KCNIP4: variants seen among roughly 807,000 people sequenced by gnomAD.
KCNIP4 encodes potassium voltage-gated channel interacting protein 4.
KCNIP4 carries 12 observed loss-of-function variants against 34.0 expected under a neutral mutation model. The ratio of observed to expected loss-of-function variants is 0.35; its 90% CI spans 0.23 to 0.57. The LOEUF (loss-of-function observed/expected upper bound fraction) is 0.57, where lower values mean the gene tolerates loss of function less well. Among genes scored for constraint, KCNIP4 ranks in the 20% least tolerant of loss-of-function variants. The pLI is 0.83. For synonymous variants in KCNIP4, 124 were observed against 102.2 expected, an observed-to-expected ratio of 1.21 and a Z score of -1.29; for missense variants, 238 against 311.7, an observed-to-expected ratio of 0.76 and a Z score of 1.78.
intron 6 of KCNIP4, among the ~76,000 whole-genome samples, chr4:20,733,750 A>G (rs892616998): frequency 2.6e-5 from 4 of 152,212 alleles, no homozygotes; most frequent in Non-Finnish European, 5.9e-5. Context: ...CTCCATATAC[A>G]TGAACACAAT....
intron 1 of KCNIP4, among the ~76,000 whole-genome samples, chr4:21,115,526 A>C (rs1749604734): frequency 6.6e-6 from 1 of 152,200 alleles, no homozygotes; most frequent in Non-Finnish European, 1.5e-5. Context: ...AAACAGTACA[A>C]AAGGGATTAA....
At chr4:21,798,560 GAA>G (rs377096015) in intron 1 of KCNIP4, among the ~76,000 whole-genome samples, 3 of 95,802 alleles carry the variant, frequency 3.1e-5, no homozygotes, top group Non-Finnish European at 7.7e-5. Flanking sequence ...AAGAGAGAAA[GAA>G]AAAGAAAGAA....
chr4:21,062,530 A>ATGTGTG (rs3080754), intron 1 of KCNIP4, among the ~76,000 whole-genome samples: 10,972 of 149,214 alleles, frequency 0.074, 442 homozygotes, highest in East Asian at 0.19. Context: ...GTGTGTGTGC[A>ATGTGTG]TGTGTGTGTG....
chr4:21,236,646 A>G (rs1305714497), intron 1 of KCNIP4, among the ~76,000 whole-genome samples: 1 of 152,128 alleles, frequency 6.6e-6, no homozygotes, highest in Non-Finnish European at 1.5e-5. Context: ...TCAGAAATTG[A>G]CACAATTTTA....
intron 1 of KCNIP4, among the ~76,000 whole-genome samples, chr4:21,737,402 A>C (rs1716067518): frequency 6.6e-6 from 1 of 152,124 alleles, no homozygotes; most frequent in Admixed American, 6.6e-5. Flanking sequence ...TGAAGTGGAC[A>C]TTCAATGAAA....
rs772850644 is a variant in KCNIP4, at chr4:21,814,089, C to T, written c.61+134482G>A. Among the ~76,000 whole-genome samples, 81 of 152,030 alleles carry T rather than the reference C, an allele frequency of 5.3e-4. 2 individuals are homozygous for T. Among genetic ancestry groups the T allele is most frequent in the Non-Finnish European group, 3.1e-4 (21 of 68,024 alleles). On this transcript the variant is annotated intron_variant, in intron 1 of 8. Coordinates refer to ENST00000382152, the MANE Select transcript of KCNIP4 (RefSeq NM_025221.6). ...ATTATTTTACAGGTGAGGGAACCAA[C>T]GCTCCAGGAAGATAAGTCAGGTTTT...
intron 3 of KCNIP4, among the ~76,000 whole-genome samples, chr4:20,769,118 TGAA>T (rs1755658449): frequency 6.7e-6 from 1 of 149,144 alleles, no homozygotes; most frequent in African/African-American, 2.5e-5. Flanking sequence ...CTACTACTAA[TGAA>T]GAAATAATTG....
At chr4:21,147,601 A>G (rs562350989) in intron 1 of KCNIP4, among the ~76,000 whole-genome samples, 7 of 152,258 alleles carry the variant, frequency 4.6e-5, no homozygotes, top group Admixed American at 1.3e-4. Context: ...AAATAGATTT[A>G]TGACAGGAAT....
chr4:21,378,068 C>T (rs1489873378), intron 1 of KCNIP4, among the ~76,000 whole-genome samples: 1 of 152,004 alleles, frequency 6.6e-6, no homozygotes, highest in East Asian at 1.9e-4. Flanking sequence ...CAGGTATTTC[C>T]CACACTTTAA....
At chr4:20,835,580 G>T (rs1258526009) in intron 3 of KCNIP4, among the ~76,000 whole-genome samples, 2 of 152,036 alleles carry the variant, frequency 1.3e-5, no homozygotes, top group Admixed American at 6.6e-5. Flanking sequence ...TCTTACAATT[G>T]TTAGTAATCA....
chr4:21,006,794 T>A (rs1467131139), intron 1 of KCNIP4, among the ~76,000 whole-genome samples: 1 of 152,152 alleles, frequency 6.6e-6, no homozygotes, highest in Non-Finnish European at 1.5e-5. Context: ...CATGGAAGTC[T>A]GATGAAGGAT....
intron 1 of KCNIP4, among the ~76,000 whole-genome samples, chr4:21,314,641 C>T (rs1192286358): frequency 6.6e-6 from 1 of 152,130 alleles, no homozygotes; most frequent in Non-Finnish European, 1.5e-5. Flanking sequence ...CCACTGAATG[C>T]ACAGAAGCCA....
At position 21,917,204 on chromosome 4, in the gene KCNIP4, G is replaced by A. The variant is rs573025738; in HGVS notation, c.61+31367C>T. ...GGCTGGAGTGCAATGGTGTGGTCTC[G>A]GCTCACTGCAACCTCCACCTCTCGG... On this transcript the variant is annotated intron_variant, in intron 1 of 8. Transcript: ENST00000382152. 3.3e-5 allele frequency among the ~76,000 whole-genome samples: 5 copies of A among 151,876 alleles called. No homozygotes were observed. In the East Asian group the frequency reaches 5.8e-4, roughly 18 times the overall value.
intron 1 of KCNIP4, among the ~76,000 whole-genome samples, chr4:21,427,022 G>A (rs913933899): frequency 6.6e-6 from 1 of 151,826 alleles, no homozygotes. Context: ...CAGTCTCAGG[G>A]CAAGACCAGC....
intron 2 of KCNIP4, among the ~76,000 whole-genome samples, chr4:20,864,155 C>T (rs1237316584): frequency 2.6e-4 from 23 of 87,216 alleles, no homozygotes; most frequent in Non-Finnish European, 6.4e-4. Flanking sequence ...TCCATGTATG[C>T]ATACACATGT....
intron 1 of KCNIP4, among the ~76,000 whole-genome samples, chr4:21,639,141 T>C (rs1373805401): frequency 6.6e-6 from 1 of 152,168 alleles, no homozygotes; most frequent in African/African-American, 2.4e-5. Flanking sequence ...ATTTTGGATA[T>C]TTTTTTCAGG....
intron 1 of KCNIP4, among the ~76,000 whole-genome samples, chr4:21,895,482 T>C (rs936631532): frequency 2.6e-5 from 4 of 152,174 alleles, no homozygotes; most frequent in African/African-American, 9.7e-5. Flanking sequence ...ACTTATTAGC[T>C]GTGTAACCAC....
At chr4:21,532,664 G>A (rs977553120) in intron 1 of KCNIP4, among the ~76,000 whole-genome samples, 2 of 152,096 alleles carry the variant, frequency 1.3e-5, no homozygotes, top group South Asian at 4.2e-4. Context: ...CTAAATCAGA[G>A]AAGGTTAAAA....
At chr4:21,536,424 A>G (rs1490913238) in intron 1 of KCNIP4, among the ~76,000 whole-genome samples, 1 of 152,218 alleles carries the variant, frequency 6.6e-6, no homozygotes, top group Non-Finnish European at 1.5e-5. Flanking sequence ...AGTAACCAAA[A>G]TACGAATGAA....
Sources: allele counts gnomAD v4.1 joint callset (sites outside exome capture counted in the v4.1 genomes callset), GRCh38; gene constraint gnomAD v4.1.1; transcripts MANE v1.5; gene names NCBI Gene and HGNC (gene_info 2026-07-23, HGNC 2026-07-21).